TCF25: variants seen among roughly 807,000 people sequenced by gnomAD.
TCF25 encodes the protein TCF25 ribosome quality control complex subunit, also known as ribosome quality control complex subunit TCF25.
In TCF25, 41 loss-of-function variants were observed where a neutral mutation model predicts 83.1. The observed-to-expected ratio is 0.49, with a 90% CI of 0.38 to 0.64. TCF25 has a LOEUF of 0.64. Ranked by LOEUF, TCF25 falls within the 30% of genes least tolerant of loss-of-function variation. The pLI, the probability that TCF25 is intolerant of heterozygous loss-of-function variation, is 0.00. For synonymous variants in TCF25, 458 were observed against 365.0 expected, an observed-to-expected ratio of 1.25 and a Z score of -2.90; for missense variants, 979 against 914.5, an observed-to-expected ratio of 1.07 and a Z score of -0.91.
At chr16:89,908,639 A>ACCTCCCAGCTCCCACCTCCCT (rs2045248587) in intron 16 of TCF25, among the ~76,000 whole-genome samples, 1 of 21,146 alleles carries the variant, frequency 4.7e-5, no homozygotes, top group African/African-American at 2.0e-4. Context: ...CCCACCTCCC[A>ACCTCCCAGCTCCCACCTCCCT]CCTCCCAGCT....
Position 89,908,833 on chromosome 16 carries a change from C to T in TCF25, c.1799+1511C>T, listed in dbSNP as rs916768594. ...CCTCGCAGCTCCCAGCTCCCAGCTC[C>T]CACCTCGCAGCTCCCAGCTCTCTCC... On this transcript the variant is annotated intron_variant, in intron 16 of 17. Coordinates refer to ENST00000263346, the MANE Select transcript of TCF25 (RefSeq NM_014972.3). The T allele has an allele frequency of 2.0e-5, 20 of 979,586 alleles. No individual in the cohort carries two copies. In the Admixed American group the frequency reaches 2.9e-4, roughly 14 times the overall value. 60.7% of individuals were successfully genotyped at this position (979,586 alleles called of 1,614,324 possible). A position where few individuals can be genotyped will look rare whatever the true frequency, so the allele number is the denominator to read the frequency against.
intron 1 of TCF25, among the ~76,000 whole-genome samples, chr16:89,879,108 G>A (rs947478659): frequency 6.6e-5 from 10 of 152,278 alleles, no homozygotes; most frequent in East Asian, 1.9e-4. Flanking sequence ...CCTGTCACAC[G>A]TGTTGTCCGT....
rs1307427950 is a variant in TCF25, at chr16:89,907,153, A to G, written c.1720-90A>G. The G allele has an allele frequency of 3.1e-6, 4 of 1,290,830 alleles. No homozygotes were observed. In the Admixed American group the frequency reaches 5.1e-5, roughly 16 times the overall value. The allele number at this position is 1,290,830 out of a possible 1,614,324, so 80.0% of individuals were successfully genotyped here. A position where few individuals can be genotyped will look rare whatever the true frequency, so the allele number is the denominator to read the frequency against. ...ATCTCTCAGCAGATGCATCCAGTCC[A>G]TGCTGGAGTCGACAGAAGGACTCTG... On this transcript the variant is annotated intron_variant, in intron 15 of 17. Transcript: ENST00000263346.
chr16:89,906,098 C>T (rs2044754634), intron 14 of TCF25, 96 bp from the exon 15 acceptor site: 15 of 1,067,322 alleles, frequency 1.4e-5, no homozygotes, highest in Middle Eastern at 4.9e-4. Context: ...AGCGAGATGC[C>T]TCGTGCTGGG....
intron 1 of TCF25, 80 bp downstream of exon 1, chr16:89,873,939 G>A (rs1277784784): frequency 1.4e-6 from 2 of 1,432,546 alleles, no homozygotes; most frequent in African/African-American, 1.5e-5. Flanking sequence ...CCGGGTCGGG[G>A]AGCGGGGTTG....
chr16:89,910,385 T>A lies in TCF25; in HGVS notation c.1800-206T>A. On this transcript the variant is annotated intron_variant, in intron 16 of 17. Coordinates refer to ENST00000263346, the MANE Select transcript of TCF25 (RefSeq NM_014972.3). ...GGTCTCCCTCATCCTGTTCCCGCTG[T>A]CCACAGCCCCACCCTAAGCTGATGA... 3 of 602,142 alleles carry A rather than the reference T, an allele frequency of 5.0e-6. No individual in the cohort carries two copies. The South Asian group carries it at 5.9e-5, about 12-fold the overall frequency. 37.3% of individuals were successfully genotyped at this position (602,142 alleles called of 1,614,324 possible).
intron 4 of TCF25, among the ~76,000 whole-genome samples, chr16:89,886,991 C>T (rs1292635273): frequency 6.6e-6 from 1 of 152,126 alleles, no homozygotes; most frequent in Non-Finnish European, 1.5e-5. Context: ...ATCCATATTT[C>T]AGAGAACTTC....
In TCF25 at chr16:89,907,318, G is replaced by A. The variant is rs757841687; in HGVS notation, c.1795G>A (p.Glu599Lys). The A allele has an allele frequency of 2.5e-6, 4 of 1,577,040 alleles. No individual in the cohort carries two copies. The highest frequency in any genetic ancestry group is 2.6e-6 in the Non-Finnish European group (3 of 1,160,460). ...CACAATCTACTCCTACGTCAGGCCA[G>A]AGAGGTACCTCCCTCCTTCCAGTTC... ...SDTIYSYVRP[E>K]RLSPISHGNT... Residue 599 changes from glutamate to lysine, a missense_variant, in exon 16 of 18, where the codon GAG becomes AAG. By Grantham distance (56) the Glu-to-Lys change is moderately conservative. Coordinates refer to ENST00000263346, the MANE Select transcript of TCF25 (RefSeq NM_014972.3).
intron 7 of TCF25, 161 bp from the exon 8 acceptor site, chr16:89,894,877 T>C (rs1027937993): frequency 1.6e-4 from 86 of 540,160 alleles, no homozygotes; most frequent in African/African-American, 1.4e-3. Flanking sequence ...ACTCCTGATA[T>C]CAAGTGATCC....
chr16:89,910,928 G>T, intron 17 of TCF25, 152 bp from the exon 18 acceptor site: 1 of 1,169,182 alleles, frequency 8.6e-7, no homozygotes, highest in South Asian at 1.5e-5. Flanking sequence ...ATTTGGTTTT[G>T]AGAGCTTCCT....
intron 13 of TCF25, 93 bp from the exon 14 acceptor site, chr16:89,904,845 A>AC (rs763285116): frequency 3.1e-5 from 45 of 1,466,184 alleles, no homozygotes; most frequent in East Asian, 1.5e-4. Flanking sequence ...CACTCCCTGG[A>AC]CCCCCCGTCT....
intron 8 of TCF25, 119 bp downstream of exon 8, chr16:89,895,256 A>G (rs995536902): frequency 5.6e-6 from 5 of 894,654 alleles, no homozygotes; most frequent in Non-Finnish European, 6.8e-6. Context: ...CTTTATTGAG[A>G]TACAACCTAC....
intron 4 of TCF25, chr16:89,886,191 G>A (rs2144038097): frequency 1.2e-5 from 6 of 500,028 alleles, no homozygotes; most frequent in South Asian, 8.4e-5. Context: ...ACTTTGGGAG[G>A]CCAAGGCAGG....
chr16:89,888,358 C>T (rs1427905147), intron 5 of TCF25, among the ~76,000 whole-genome samples: 4 of 152,052 alleles, frequency 2.6e-5, no homozygotes, highest in Admixed American at 6.6e-5. Flanking sequence ...GAGGCCAAGG[C>T]GGGCGGATCA....
chr16:89,906,653 T>G (rs2044811202), intron 15 of TCF25, among the ~76,000 whole-genome samples: 1 of 152,164 alleles, frequency 6.6e-6, no homozygotes, highest in African/African-American at 2.4e-5. Context: ...TCTCAAAACC[T>G]AAGGAGTTTG....
chr16:89,874,177 G>T (rs1014148559), intron 1 of TCF25, among the ~76,000 whole-genome samples: 1 of 152,096 alleles, frequency 6.6e-6, no homozygotes, highest in Non-Finnish European at 1.5e-5. Flanking sequence ...CGGGGTCCGG[G>T]TTGTGGAGGG....
Position 89,883,779 on chromosome 16 carries a change from AACCGCGCACGTGTGTCCCTCCTAGCCG to A in TCF25, c.354+283_354+309del, listed in dbSNP as rs1489433546. 1,676 of 389,844 alleles carry A rather than the reference AACCGCGCACGTGTGTCCCTCCTAGCCG, an allele frequency of 4.3e-3. 27 individuals carry two copies. The highest frequency in any genetic ancestry group is 0.031 in the African/African-American group (1,497 of 48,662). The allele number at this position is 389,844 out of a possible 1,614,324, so 24.1% of individuals were successfully genotyped here. ...CCGCACACGTGTGTCCCTCCTAGCC[AACCGCGCACGTGTGTCCCTCCTAGCCG>A]ACCGCGCACGTGTGTGCCTCCTAGC... On this transcript the variant is annotated intron_variant, in intron 2 of 17. Coordinates refer to ENST00000263346, the MANE Select transcript of TCF25 (RefSeq NM_014972.3).
At chr16:89,903,265 C>T (rs1351508080) in intron 12 of TCF25, among the ~76,000 whole-genome samples, 1 of 152,262 alleles carries the variant, frequency 6.6e-6, no homozygotes, top group African/African-American at 2.4e-5. Context: ...CCCTCGGGGC[C>T]CGTTCCCCTA....
chr16:89,910,895 G>A (rs2045500475), intron 17 of TCF25, among the ~76,000 whole-genome samples, 185 bp from the exon 18 acceptor site: 1 of 152,258 alleles, frequency 6.6e-6, no homozygotes, highest in Non-Finnish European at 1.5e-5. Context: ...CCCACTCTGT[G>A]CCTGGCTTGG....
Sources: gnomAD v4.1 joint callset for allele counts (sites outside exome capture counted in the v4.1 genomes callset) on GRCh38, gnomAD v4.1.1 for gene constraint, MANE v1.5 for transcripts, NCBI Gene and HGNC (gene_info 2026-07-23, HGNC 2026-07-21) for gene names.